Variants in TACC2 observed in about 807,000 individuals in gnomAD.
TACC2 encodes the protein transforming acidic coiled-coil containing protein 2, also known as transforming acidic coiled-coil-containing protein 2.
Under a neutral mutation model 227.3 loss-of-function variants are expected in TACC2, and 137 were observed. That is an observed-to-expected ratio of 0.60 (90% CI 0.52 to 0.69). TACC2 has a LOEUF of 0.69. TACC2 is among the 30% of genes least tolerant of loss of function. TACC2 has a pLI of 0.00. For synonymous variants in TACC2, 1,523 were observed against 1,487.5 expected (o/e 1.02, Z -0.55); for missense variants, 3,470 against 3,694.4 (o/e 0.94, Z 1.57).
At chr10:122,234,212 C>T (rs1358584163) in intron 16 of TACC2, among the ~76,000 whole-genome samples, 1 of 152,208 alleles carries the variant, frequency 6.6e-6, no homozygotes, top group Admixed American at 6.5e-5. Flanking sequence ...GAACTGTCGA[C>T]AAGGGGGCTA....
intron 3 of TACC2, among the ~76,000 whole-genome samples, chr10:122,053,953 A>AG (rs1285853504): frequency 2.6e-5 from 4 of 152,242 alleles, no homozygotes; most frequent in Non-Finnish European, 4.4e-5. Flanking sequence ...GCATGGAGCG[A>AG]GGGAAGAATA....
rs2079750326 is a variant in TACC2, at chr10:122,083,313, A to G, written c.813A>G (p.Leu271=). 1 of 1,613,894 alleles carries G rather than the reference A, an allele frequency of 6.2e-7. No homozygotes were observed. Among genetic ancestry groups the G allele is most frequent in the Non-Finnish European group, 8.5e-7 (1 of 1,180,030 alleles). ...ESSAVLEKSP[L]KPMAPIPQDP... ...CAGCGGTCTTGGAGAAGTCCCCCCTAAAACCCATGGCCCCGATCCCACAAG... is the reference window on the plus strand; with the variant it reads ...CAGCGGTCTTGGAGAAGTCCCCCCTGAAACCCATGGCCCCGATCCCACAAG... The change falls in exon 4 of 23, where the codon CTA becomes CTG. Residue 271 remains leucine (L), a synonymous_variant. Transcript: ENST00000369005.
Position 122,035,611 on chromosome 10 carries a change from T to C in TACC2, c.33+13597T>C, listed in dbSNP as rs568684730. ...ATTTTTTTATTATTGCAGTAAAATA[T>C]ATATAACATAAGATTTACCATTGTA... On this transcript the variant is annotated intron_variant, in intron 2 of 22. Coordinates refer to ENST00000369005, the MANE Select transcript of TACC2 (RefSeq NM_206862.4). Among the ~76,000 whole-genome samples, 6 of 152,240 alleles carry C rather than the reference T, an allele frequency of 3.9e-5. No individual in the cohort carries two copies. The East Asian group carries it at 9.6e-4, about 24-fold the overall frequency.
At chr10:122,113,154 C>G (rs1182047573) in intron 5 of TACC2, 2 of 152,456 alleles carry the variant, frequency 1.3e-5, no homozygotes, top group African/African-American at 4.8e-5. Flanking sequence ...TCGGAAAACC[C>G]AGCGCCCCCG....
intron 8 of TACC2, among the ~76,000 whole-genome samples, chr10:122,201,640 T>C (rs1005892530): frequency 3.3e-5 from 5 of 152,180 alleles, no homozygotes; most frequent in Non-Finnish European, 7.3e-5. Flanking sequence ...GCTTGACTGC[T>C]CTCCACATCC....
At chr10:122,145,315 C>T (rs1264968452) in intron 7 of TACC2, among the ~76,000 whole-genome samples, 11 of 152,048 alleles carry the variant, frequency 7.2e-5, no homozygotes, top group Non-Finnish European at 1.6e-4. Flanking sequence ...ATATCTATGC[C>T]AAGGAATATT....
chr10:122,153,443 A>G (rs954761795), intron 7 of TACC2, among the ~76,000 whole-genome samples: 4 of 152,178 alleles, frequency 2.6e-5, no homozygotes, highest in Non-Finnish European at 5.9e-5. Flanking sequence ...GGTGGGAACC[A>G]TTTGGGTTGG....
chr10:122,091,719 C>T (rs893655376), intron 5 of TACC2, among the ~76,000 whole-genome samples: 8 of 152,212 alleles, frequency 5.3e-5, no homozygotes, highest in South Asian at 2.1e-4. Flanking sequence ...GGGCTGGTCT[C>T]GGAGGAAGTC....
At chr10:122,058,541 T>C (rs1344232084) in intron 3 of TACC2, among the ~76,000 whole-genome samples, 1 of 152,150 alleles carries the variant, frequency 6.6e-6, no homozygotes, top group Non-Finnish European at 1.5e-5. Flanking sequence ...CCCAAGTACC[T>C]GGGACTACAG....
chr10:122,211,491 A>T lies in TACC2; in HGVS notation c.7066A>T (p.Met2356Leu). ...TAACCCTTTTTCTTCCACCTCAAAA[A>T]TGCAGGAGTCTCCCAAACTGCCCCA... ...NFNPFSSTSK[M>L]QESPKLPQQS... The change falls in exon 9 of 23, where the codon ATG (methionine) becomes TTG (leucine). Residue 2356 changes from methionine to leucine, a missense_variant. Met to Leu is a conservative substitution (Grantham distance 15). This residue lies in a region of TACC2 where 593 missense variants were observed against 636.6 expected (regional missense o/e 0.93). Coordinates refer to ENST00000369005, the MANE Select transcript of TACC2 (RefSeq NM_206862.4). The T allele has an allele frequency of 6.2e-7, 1 of 1,613,966 alleles. No individual in the cohort carries two copies. Among genetic ancestry groups the T allele is most frequent in the Non-Finnish European group, 8.5e-7 (1 of 1,179,990 alleles).
At chr10:122,049,106 G>C (rs1467355440) in intron 2 of TACC2, among the ~76,000 whole-genome samples, 2 of 152,246 alleles carry the variant, frequency 1.3e-5, no homozygotes, top group Non-Finnish European at 2.9e-5. Context: ...ATCTGGATGA[G>C]AGGTGGACCG....
At chr10:122,096,069 C>T (rs531053918) in intron 5 of TACC2, among the ~76,000 whole-genome samples, 7 of 152,254 alleles carry the variant, frequency 4.6e-5, no homozygotes, top group South Asian at 2.1e-4. Context: ...TGCTGGTGCT[C>T]GGTGAGTATT....
chr10:122,112,606 G>T (rs964431548), intron 5 of TACC2, among the ~76,000 whole-genome samples: 1 of 152,134 alleles, frequency 6.6e-6, no homozygotes, highest in Non-Finnish European at 1.5e-5. Context: ...AGCCTCAGGC[G>T]GGCAACGGCC....
rs770443389 is a variant in TACC2 at position 122,086,809 on chromosome 10, GCAGTGGGTAAAGACCT to G, written c.4312_4327del (p.Val1438ProfsTer10). ...AGAAAAGGCAGGAGCTGGGAGGAGT[GCAGTGGGTAAAGACCT>G]CACCAGGCCATTGGGCCCAGAGAAG... is the stretch of plus-strand genomic sequence containing the variant. On this transcript the variant is annotated frameshift_variant, in exon 4 of 23. Transcript: ENST00000369005. LOFTEE classifies it high-confidence loss of function. 9 of 1,613,866 alleles carry G rather than the reference GCAGTGGGTAAAGACCT, an allele frequency of 5.6e-6. No individual in the cohort carries two copies. In the South Asian group the frequency reaches 9.9e-5, roughly 18 times the overall value.
intron 3 of TACC2, among the ~76,000 whole-genome samples, chr10:122,054,709 A>G (rs1236672522): frequency 1.3e-5 from 2 of 152,168 alleles, no homozygotes; most frequent in Non-Finnish European, 2.9e-5. Context: ...GGGAGTGAGA[A>G]TCAGGCAGGG....
chr10:122,110,865 T>C (rs1565327930), intron 5 of TACC2, among the ~76,000 whole-genome samples: 1 of 152,218 alleles, frequency 6.6e-6, no homozygotes, highest in African/African-American at 2.4e-5. Flanking sequence ...ATGTCTAACA[T>C]GGGTCTCACT....
intron 5 of TACC2, among the ~76,000 whole-genome samples, chr10:122,105,272 C>A (rs759863276): frequency 2.0e-5 from 3 of 151,858 alleles, no homozygotes; most frequent in Non-Finnish European, 4.4e-5. Context: ...TCTGACCTTC[C>A]GCATCACATA....
intron 2 of TACC2, among the ~76,000 whole-genome samples, chr10:122,039,261 C>T (rs964543153): frequency 2.2e-4 from 34 of 152,146 alleles, no homozygotes; most frequent in African/African-American, 6.3e-4. Flanking sequence ...CAGGTGTGAG[C>T]CACCGTGCTG....
intron 1 of TACC2, among the ~76,000 whole-genome samples, chr10:122,000,303 C>T (rs1312225791): frequency 1.3e-5 from 2 of 152,106 alleles, no homozygotes; most frequent in African/African-American, 4.8e-5. Flanking sequence ...GGCGTGAACC[C>T]AGGAGGCAGA....
Sources: gnomAD v4.1 joint callset for allele counts (sites outside exome capture counted in the v4.1 genomes callset) on GRCh38, gnomAD v4.1.1 for gene constraint, gnomAD v4.1.1 regional missense constraint, MANE v1.5 for transcripts, NCBI Gene and HGNC (gene_info 2026-07-23, HGNC 2026-07-21) for gene names.